RCAN2: variants seen among roughly 807,000 people sequenced by gnomAD.
The protein encoded by RCAN2 is calcipressin-2.
In RCAN2, 9 loss-of-function variants were observed where a neutral mutation model predicts 23.6. That is an observed-to-expected ratio of 0.38 (90% CI 0.23 to 0.67). RCAN2 has a LOEUF of 0.67. Among genes scored for constraint, RCAN2 ranks in the 30% least tolerant of loss-of-function variants. The pLI, the probability that RCAN2 is intolerant of heterozygous loss-of-function variation, is 0.51. For missense variants in RCAN2, 273 were observed against 302.3 expected (o/e 0.90, Z 0.72); for synonymous variants, 109 against 115.7 (o/e 0.94, Z 0.37).
At chr6:46,405,668 T>C (rs1766377551) in intron 2 of RCAN2, among the ~76,000 whole-genome samples, 1 of 152,192 alleles carries the variant, frequency 6.6e-6, no homozygotes, top group Non-Finnish European at 1.5e-5. Flanking sequence ...AAAGACTCCA[T>C]GTCCCCACCA....
intron 2 of RCAN2, among the ~76,000 whole-genome samples, chr6:46,421,085 T>TA (rs1240432871): frequency 7.2e-5 from 11 of 152,194 alleles, no homozygotes; most frequent in Admixed American, 7.2e-4. Flanking sequence ...TGAAATGAGA[T>TA]AACATTTTTT....
chr6:46,421,813 C>T (rs1259315225), intron 2 of RCAN2, among the ~76,000 whole-genome samples: 1 of 152,088 alleles, frequency 6.6e-6, no homozygotes, highest in African/African-American at 2.4e-5. Context: ...AGTACCAGCA[C>T]AGTACATAAT....
intron 2 of RCAN2, among the ~76,000 whole-genome samples, chr6:46,257,671 G>A (rs908562891): frequency 6.6e-6 from 1 of 152,122 alleles, no homozygotes; most frequent in Non-Finnish European, 1.5e-5. Context: ...CTAGACGGGT[G>A]GGGATTATAG....
chr6:46,276,057 T>C (rs1767687762), intron 2 of RCAN2, among the ~76,000 whole-genome samples: 1 of 152,020 alleles, frequency 6.6e-6, no homozygotes, highest in African/African-American at 2.4e-5. Flanking sequence ...ACTACAAAAA[T>C]TAGCCAGGCA....
chr6:46,427,931 C>T (rs1767080091), intron 2 of RCAN2, among the ~76,000 whole-genome samples: 1 of 152,204 alleles, frequency 6.6e-6, no homozygotes, highest in African/African-American at 2.4e-5. Flanking sequence ...GCTAGGACCA[C>T]ATTTCAGCTA....
At chr6:46,370,881 C>T (rs528084808) in intron 2 of RCAN2, among the ~76,000 whole-genome samples, 40 of 152,348 alleles carry the variant, frequency 2.6e-4, no homozygotes, top group African/African-American at 9.4e-4. Flanking sequence ...CACTAGAAGT[C>T]ACCTTCAGCA....
chr6:46,320,836 T>C (rs1209102596), intron 2 of RCAN2, among the ~76,000 whole-genome samples: 1 of 152,176 alleles, frequency 6.6e-6, no homozygotes, highest in African/African-American at 2.4e-5. Flanking sequence ...AGAGAGCTAT[T>C]GGGCTTAAAA....
chr6:46,384,375 G>C (rs1230090146), intron 2 of RCAN2, among the ~76,000 whole-genome samples: 1 of 152,148 alleles, frequency 6.6e-6, no homozygotes, highest in Non-Finnish European at 1.5e-5. Flanking sequence ...TCAAAACAAG[G>C]ATTATCAGTA....
chr6:46,485,838 G>A (rs1768976873), intron 1 of RCAN2, among the ~76,000 whole-genome samples: 1 of 151,994 alleles, frequency 6.6e-6, no homozygotes, highest in African/African-American at 2.4e-5. Context: ...ATCAGCTCTG[G>A]CCTGACCTGA....
chr6:46,348,730 GA>G (rs1764562554), intron 2 of RCAN2, among the ~76,000 whole-genome samples: 1 of 152,152 alleles, frequency 6.6e-6, no homozygotes, highest in East Asian at 1.9e-4. Flanking sequence ...GTTATATTGA[GA>G]AAGATTCTAA....
At chr6:46,314,376 A>G (rs931529268) in intron 2 of RCAN2, among the ~76,000 whole-genome samples, 24 of 149,682 alleles carry the variant, frequency 1.6e-4, no homozygotes, top group South Asian at 4.2e-4. Context: ...AAAAAAAAAA[A>G]AAAGAAAAGA....
At chr6:46,341,501 T>C (rs926252166) in intron 2 of RCAN2, among the ~76,000 whole-genome samples, 14 of 152,198 alleles carry the variant, frequency 9.2e-5, no homozygotes, top group Non-Finnish European at 1.8e-4. Context: ...ACAAGCTTGC[T>C]TAAAAGAAAG....
chr6:46,445,197 T>C (rs1356997642), intron 2 of RCAN2, among the ~76,000 whole-genome samples: 1 of 152,172 alleles, frequency 6.6e-6, no homozygotes, highest in South Asian at 2.1e-4. Context: ...CCAGCTTCTA[T>C]AGACTCAGGC....
chr6:46,427,272 T>C (rs991927086), intron 2 of RCAN2, among the ~76,000 whole-genome samples: 2 of 152,200 alleles, frequency 1.3e-5, no homozygotes, highest in Admixed American at 1.3e-4. Flanking sequence ...TAGGAACTGT[T>C]ATTTATTCTT....
At chr6:46,334,910 C>T (rs1188791828) in intron 2 of RCAN2, among the ~76,000 whole-genome samples, 1 of 152,158 alleles carries the variant, frequency 6.6e-6, no homozygotes, top group African/African-American at 2.4e-5. Flanking sequence ...TCCTCAATAT[C>T]AGAACCAAGT....
intron 2 of RCAN2, among the ~76,000 whole-genome samples, chr6:46,412,958 A>G (rs571532290): frequency 6.6e-6 from 1 of 152,382 alleles, no homozygotes; most frequent in South Asian, 2.1e-4. Flanking sequence ...GCAAGAATAA[A>G]TTATAAAACA....
intron 2 of RCAN2, among the ~76,000 whole-genome samples, chr6:46,395,306 T>C (rs1766056921): frequency 6.6e-6 from 1 of 152,134 alleles, no homozygotes; most frequent in South Asian, 2.1e-4. Context: ...CTGGGCACTT[T>C]AACTTGAAGT....
intron 1 of RCAN2, among the ~76,000 whole-genome samples, chr6:46,464,185 A>C (rs1176578214): frequency 3.9e-5 from 6 of 152,208 alleles, no homozygotes; most frequent in Non-Finnish European, 8.8e-5. Flanking sequence ...ATAGAAAAGA[A>C]ATGCCTATAT....
At position 46,293,114 on chromosome 6, in the gene RCAN2, C is replaced by T. The variant is rs531343473; in HGVS notation, c.226-44218G>A. Reference sequence around the variant, plus strand: ...GTATGTGTACCACATTTTCTTTATCCAGTCTATCACTGATAGGCATTTGGG... The same window carrying T: ...GTATGTGTACCACATTTTCTTTATCTAGTCTATCACTGATAGGCATTTGGG... On this transcript the variant is annotated intron_variant, in intron 2 of 4. Coordinates refer to ENST00000371374, the MANE Select transcript of RCAN2 (RefSeq NM_001251974.2). Among the ~76,000 whole-genome samples, 3 of 152,222 alleles carry T rather than the reference C, an allele frequency of 2.0e-5. No homozygotes were observed. The South Asian group carries it at 6.2e-4, about 32-fold the overall frequency.
Sources: gnomAD v4.1 joint callset for allele counts (sites outside exome capture counted in the v4.1 genomes callset) on GRCh38, gnomAD v4.1.1 for gene constraint, MANE v1.5 for transcripts, NCBI Gene and HGNC (gene_info 2026-07-23, HGNC 2026-07-21) for gene names.